CLCN3: variants seen among roughly 807,000 people sequenced by gnomAD.
CLCN3 encodes the protein H(+)/Cl(-) exchange transporter 3.
CLCN3 carries 16 observed loss-of-function variants against 83.4 expected under a neutral mutation model. The observed-to-expected ratio is 0.19, with a 90% CI of 0.13 to 0.29. The LOEUF is 0.29. Ranked by LOEUF, CLCN3 falls within the 10% of genes least tolerant of loss-of-function variation. The probability of loss-of-function intolerance (pLI) is 1.00; values close to 1 mark genes in which losing one functional copy is unlikely to be tolerated. For synonymous variants in CLCN3, 322 were observed against 346.2 expected (o/e 0.93, Z 0.78); for missense variants, 544 against 1,006.0 (o/e 0.54, Z 6.21).
At position 169,697,665 on chromosome 4, in the gene CLCN3, A is replaced by C. The variant is rs757750827; in HGVS notation, c.1494A>C (p.Ser498=). The C allele has an allele frequency of 5.0e-6, 8 of 1,613,896 alleles. No individual in the cohort carries two copies. In the Admixed American group the frequency reaches 1.2e-4, roughly 24 times the overall value. Residue 498 remains serine, a synonymous_variant, in exon 9 of 13, where the codon TCA becomes TCC. Transcript: ENST00000513761. ...GTCCAGCAGGCATTGGAGTATATTC[A>C]GCTATATGGCAGTTATGCCTGGCAC... ...PDRPAGIGVY[S]AIWQLCLALI... is the part of the protein sequence containing the mutation.
chr4:169,635,896 C>A lies in CLCN3; in HGVS notation c.-16-17C>A. On this transcript the variant is annotated splice_polypyrimidine_tract_variant and intron_variant, in intron 1 of 12. Coordinates refer to ENST00000513761, the MANE Select transcript of CLCN3 (RefSeq NM_001829.4). The stretch of plus-strand genomic sequence containing the variant: ...GTATGTTTGAAAAATGTTAAAACTA[C>A]TTTTTCCCCCCCACAGATAATCAGA... The A allele has an allele frequency of 6.7e-7, 1 of 1,501,504 alleles. No individual in the cohort carries two copies. The allele number at this position is 1,501,504 out of a possible 1,614,324, so 93.0% of individuals were successfully genotyped here. A position where few individuals can be genotyped will look rare whatever the true frequency, so the allele number is the denominator to read the frequency against.
chr4:169,637,249 A>G (rs1318480610), intron 2 of CLCN3, among the ~76,000 whole-genome samples: 2 of 151,874 alleles, frequency 1.3e-5, no homozygotes, highest in Admixed American at 1.3e-4. Context: ...TTTCAGATAC[A>G]TGTACGGTAT....
intron 7 of CLCN3, among the ~76,000 whole-genome samples, chr4:169,695,199 A>G (rs1333393185): frequency 6.6e-6 from 1 of 152,190 alleles, no homozygotes; most frequent in African/African-American, 2.4e-5. Flanking sequence ...ACGATTTGGA[A>G]TAGAGTATTT....
intron 1 of CLCN3, among the ~76,000 whole-genome samples, chr4:169,630,921 T>A (rs541971139): frequency 1.3e-5 from 2 of 152,376 alleles, no homozygotes; most frequent in South Asian, 4.1e-4. Flanking sequence ...GATGAACATA[T>A]AAGCACATGT....
At chr4:169,717,925 C>A in intron 12 of CLCN3, 2 of 1,164,332 alleles carry the variant, frequency 1.7e-6, no homozygotes, top group Non-Finnish European at 1.3e-6. Flanking sequence ...AAGCATGAAA[C>A]TTGTGAACTG....
intron 1 of CLCN3, among the ~76,000 whole-genome samples, chr4:169,622,582 A>G (rs923417802): frequency 6.6e-6 from 1 of 152,202 alleles, no homozygotes; most frequent in Non-Finnish European, 1.5e-5. Context: ...TGTTGAATGC[A>G]TTCTGTGTTT....
chr4:169,649,983 G>A (rs903078022), intron 2 of CLCN3, among the ~76,000 whole-genome samples: 6 of 152,098 alleles, frequency 3.9e-5, no homozygotes, highest in Admixed American at 3.3e-4. Flanking sequence ...TACTTGGGAG[G>A]CTGGGACGTG....
At chr4:169,625,421 A>T (rs1773209241) in intron 1 of CLCN3, among the ~76,000 whole-genome samples, 1 of 152,176 alleles carries the variant, frequency 6.6e-6, no homozygotes, top group South Asian at 2.1e-4. Context: ...TGCATATCTC[A>T]GGCTGTGGAT....
At position 169,719,963 on chromosome 4, in the gene CLCN3, C is replaced by A; in HGVS notation, c.2423C>A (p.Ala808Glu). The change falls in exon 13 of 13, where the codon GCA (alanine) becomes GAA (glutamate). Residue 808 changes from alanine to glutamate, a missense_variant. Ala to Glu is a moderately radical substitution (Grantham distance 107). Coordinates refer to ENST00000513761, the MANE Select transcript of CLCN3 (RefSeq NM_001829.4). Reference protein sequence around the residue: ...KDILRHMAQTANQDPASIMFN With the variant: ...KDILRHMAQTENQDPASIMFN ...ATCCTCCGGCATATGGCCCAGACGG[C>A]AAACCAAGACCCCGCTTCAATAATG... 6.2e-7 allele frequency: 1 copy of A among 1,613,978 alleles called. No individual in the cohort carries two copies. The highest frequency in any genetic ancestry group is 1.1e-5 in the South Asian group (1 of 91,074).
rs1732330850 is a variant in CLCN3, at chr4:169,690,631, C to T, written c.708C>T (p.Ala236=). The T allele has an allele frequency of 6.8e-6, 11 of 1,612,792 alleles. No individual in the cohort carries two copies. The highest frequency in any genetic ancestry group is 1.3e-5 in the African/African-American group (1 of 74,856). ...VSLVKVFAPY[A]CGSGIPEIKT... The stretch of plus-strand genomic sequence containing the variant: ...TGGTAAAGGTATTTGCTCCATATGC[C>T]TGTGGCTCTGGAATTCCAGAGGTAA... The change falls in exon 6 of 13, where the codon GCC becomes GCT. Residue 236 remains alanine (A), a synonymous_variant. Coordinates refer to ENST00000513761, the MANE Select transcript of CLCN3 (RefSeq NM_001829.4).
At chr4:169,698,589 C>A (rs759789569) in intron 9 of CLCN3, among the ~76,000 whole-genome samples, 2 of 152,116 alleles carry the variant, frequency 1.3e-5, no homozygotes, top group African/African-American at 2.4e-5. Flanking sequence ...AGAGGCCCGA[C>A]CACATTCAGA....
At chr4:169,675,829 G>A (rs1433783407) in intron 2 of CLCN3, among the ~76,000 whole-genome samples, 1 of 152,112 alleles carries the variant, frequency 6.6e-6, no homozygotes, top group Non-Finnish European at 1.5e-5. Context: ...TCTAAAGTTA[G>A]CTGTCCAGGA....
intron 2 of CLCN3, among the ~76,000 whole-genome samples, chr4:169,668,449 C>G (rs1477165900): frequency 6.6e-6 from 1 of 152,108 alleles, no homozygotes; most frequent in East Asian, 1.9e-4. Context: ...ATACAATACT[C>G]TAGTAGAAGT....
intron 9 of CLCN3, among the ~76,000 whole-genome samples, chr4:169,698,751 T>C (rs1411289967): frequency 6.6e-6 from 1 of 152,232 alleles, no homozygotes; most frequent in Non-Finnish European, 1.5e-5. Flanking sequence ...GTTCTGCAAA[T>C]CAAAAGTCTG....
intron 2 of CLCN3, among the ~76,000 whole-genome samples, chr4:169,641,672 T>C (rs143490227): frequency 6.6e-6 from 1 of 152,224 alleles, no homozygotes; most frequent in South Asian, 2.1e-4. Context: ...AAGAAGAAGC[T>C]TGGCAAAGTA....
At chr4:169,709,015 TC>T (rs1449695906) in intron 11 of CLCN3, among the ~76,000 whole-genome samples, 2 of 148,362 alleles carry the variant, frequency 1.3e-5, no homozygotes, top group African/African-American at 2.4e-5. Context: ...TATTTCTATA[TC>T]CTCTATAAAA....
intron 2 of CLCN3, among the ~76,000 whole-genome samples, chr4:169,645,157 C>A (rs62334533): frequency 0.17 from 26,243 of 152,044 alleles, 2,854 homozygotes; most frequent in South Asian, 0.3. Context: ...CCTTGTGGAC[C>A]CCTGAGAAAG....
intron 2 of CLCN3, among the ~76,000 whole-genome samples, chr4:169,650,223 A>T (rs750471457): frequency 5.3e-5 from 8 of 152,232 alleles, no homozygotes; most frequent in Non-Finnish European, 1.0e-4. Context: ...AGAAAACATT[A>T]ATAAAACAAT....
At position 169,636,180 on chromosome 4, in the gene CLCN3, C is replaced by T. The variant is rs1412091588; in HGVS notation, c.160+92C>T. On this transcript the variant is annotated intron_variant, in intron 2 of 12. Coordinates refer to ENST00000513761, the MANE Select transcript of CLCN3 (RefSeq NM_001829.4). ...TTATTGAGGTTGAATTTTTCAGTAA[C>T]TTTAAAAATTTGAGATCAAATTTAC... 2.5e-6 allele frequency: 3 copies of T among 1,176,600 alleles called. No homozygotes were observed. The East Asian group carries it at 7.5e-5, about 29-fold the overall frequency. 72.9% of individuals were successfully genotyped at this position (1,176,600 alleles called of 1,614,324 possible).
Sources: allele counts gnomAD v4.1 joint callset (sites outside exome capture counted in the v4.1 genomes callset), GRCh38; gene constraint gnomAD v4.1.1; transcripts MANE v1.5; gene names NCBI Gene and HGNC (gene_info 2026-07-23, HGNC 2026-07-21).